The following CCDC187 variants were observed in gnomAD, a reference collection of about 807,000 sequenced individuals.
The protein encoded by CCDC187 is coiled-coil domain-containing protein 187.
Under a neutral mutation model 38.0 loss-of-function variants are expected in CCDC187, and 32 were observed. The observed-to-expected ratio is 0.84, with a 90% CI of 0.64 to 1.13. The LOEUF (loss-of-function observed/expected upper bound fraction) is 1.13, where lower values mean the gene tolerates loss of function less well. CCDC187 is among the 50% of genes most tolerant of loss of function. CCDC187 has a pLI of 0.00. For synonymous variants in CCDC187, 333 were observed against 347.9 expected (o/e 0.96, Z 0.48); for missense variants, 707 against 786.8 (o/e 0.90, Z 1.21).
rs935155773 is a variant in CCDC187, at chr9:136,292,222, G to A, written c.906C>T (p.Pro302=). 1.3e-5 allele frequency: 5 copies of A among 398,702 alleles called. No homozygotes were observed. The highest frequency in any genetic ancestry group is 2.2e-5 in the Non-Finnish European group (5 of 226,204). The allele number at this position is 398,702 out of a possible 1,614,324, so 24.7% of individuals were successfully genotyped here. A position where few individuals can be genotyped will look rare whatever the true frequency, so the allele number is the denominator to read the frequency against. Residue 302 remains proline (P), a synonymous_variant, in exon 5 of 26, where the codon CCC becomes CCT. Transcript: ENST00000638797. ...ALVRSLLGPP[P]VLRRHHSKDP... ...CCTTGCTATGGTGCCTGCGGAGGACGGGAGGGGGCCCAAGCAGCGACCTCA... is the reference window on the plus strand; with the variant it reads ...CCTTGCTATGGTGCCTGCGGAGGACAGGAGGGGGCCCAAGCAGCGACCTCA...
In CCDC187 at chr9:136,254,373, C is replaced by T. The variant is rs1401967670; in HGVS notation, c.5455G>A (p.Glu1819Lys). The change falls in exon 26 of 26, where the codon GAG becomes AAG. Residue 1819 changes from glutamate to lysine, a missense_variant. By Grantham distance (56) the Glu-to-Lys change is moderately conservative (BLOSUM62 1). Transcript: ENST00000638797. ...GEGREASGTSESLKGGVRSGM... is the reference protein window; with the variant it reads ...GEGREASGTSKSLKGGVRSGM... ...CTTCTGACACCCCCTTTCAGGCTCT[C>T]GCTGGTCCCAGAAGCTTCCCGCCCC... The T allele has an allele frequency of 1.7e-5, 17 of 985,006 alleles. No homozygotes were observed. In the African/African-American group the frequency reaches 2.8e-4, roughly 16 times the overall value. 61.0% of individuals were successfully genotyped at this position (985,006 alleles called of 1,614,324 possible). A position where few individuals can be genotyped will look rare whatever the true frequency, so the allele number is the denominator to read the frequency against.
At chr9:136,266,120 G>A (rs1157637100) in intron 16 of CCDC187, 77 bp from the exon 17 acceptor site, 1 of 841,694 alleles carries the variant, frequency 1.2e-6, no homozygotes, top group Non-Finnish European at 1.4e-6. Flanking sequence ...GACACAGCCA[G>A]CCCTGGTCGG....
Position 136,254,806 on chromosome 9 carries a change from C to T in CCDC187, c.5022G>A (p.Ser1674=), listed in dbSNP as rs1265582632. 14 of 985,388 alleles carry T rather than the reference C, an allele frequency of 1.4e-5. No individual in the cohort carries two copies. The highest frequency in any genetic ancestry group is 1.0e-4 in the African/African-American group (6 of 57,238). 61.0% of individuals were successfully genotyped at this position (985,388 alleles called of 1,614,324 possible). Residue 1674 remains serine (S), a synonymous_variant, in exon 26 of 26, where the codon TCG becomes TCA. Coordinates refer to ENST00000638797, the MANE Select transcript of CCDC187 (RefSeq NM_001378188.1). ...WPGELSARHS[S]GEAGLPLSWR... ...AGGACAAAGGCAGGCCAGCTTCCCCCGAGGAGTGTCGGGCAGAGAGCTCTC... is the reference window on the plus strand; with the variant it reads ...AGGACAAAGGCAGGCCAGCTTCCCCTGAGGAGTGTCGGGCAGAGAGCTCTC...
At position 136,291,482 on chromosome 9, in the gene CCDC187, G is replaced by A; in HGVS notation, c.1131C>T (p.Asp377=). ...TIQTAMAILQ[D]LRQQIQAGLE... ...GCCCAGCCTGGATTTGCTGGCGCAG[G>A]TCTTGTAGGATGGCCATGGCCGTCT... The change falls in exon 6 of 26, where the codon GAC becomes GAT. Residue 377 remains aspartate (D), a synonymous_variant. Coordinates refer to ENST00000638797, the MANE Select transcript of CCDC187 (RefSeq NM_001378188.1). The A allele has an allele frequency of 2.5e-6, 1 of 398,782 alleles. No individual in the cohort carries two copies. Among genetic ancestry groups the A allele is most frequent in the Non-Finnish European group, 4.4e-6 (1 of 226,148 alleles). The allele number at this position is 398,782 out of a possible 1,614,324, so 24.7% of individuals were successfully genotyped here.
rs1015841459 is a variant in CCDC187, at chr9:136,254,152, C to T, written c.5676G>A (p.Ser1892=). 1.5e-5 allele frequency: 15 copies of T among 985,322 alleles called. No individual in the cohort carries two copies. Among genetic ancestry groups the T allele is most frequent in the East Asian group, 1.1e-4 (1 of 8,826 alleles). The allele number at this position is 985,322 out of a possible 1,614,324, so 61.0% of individuals were successfully genotyped here. A position where few individuals can be genotyped will look rare whatever the true frequency, so the allele number is the denominator to read the frequency against. Reference sequence around the variant, plus strand: ...CTGCCCCTTCACTCAAAGAGGTCCACGAAGGAAAGACCAGCAGTGAGTCCG... The same window carrying T: ...CTGCCCCTTCACTCAAAGAGGTCCATGAAGGAAAGACCAGCAGTGAGTCCG... ...GDSDSLLVFP[S]WTSLSEGADF... The change falls in exon 26 of 26, where the codon TCG becomes TCA. Residue 1892 remains serine (S), a synonymous_variant. Coordinates refer to ENST00000638797, the MANE Select transcript of CCDC187 (RefSeq NM_001378188.1).
Position 136,290,576 on chromosome 9 carries a change from C to T in CCDC187, c.2037G>A (p.Gln679=). 5.0e-6 allele frequency: 2 copies of T among 398,990 alleles called. No homozygotes were observed. 24.7% of individuals were successfully genotyped at this position (398,990 alleles called of 1,614,324 possible). ...SRRLQEVYRQ[Q]REAVLGRAVP... is the part of the protein sequence containing the mutation. ...CCGCCCTGCCGAGGACGGCCTCCCTCTGCTGCCGGTAGACCTCCTGCAGCC... is the reference window on the plus strand; with the variant it reads ...CCGCCCTGCCGAGGACGGCCTCCCTTTGCTGCCGGTAGACCTCCTGCAGCC... Residue 679 remains glutamine (Q), a synonymous_variant, in exon 6 of 26, where the codon CAG becomes CAA. Transcript: ENST00000638797.
In CCDC187 at chr9:136,254,777, CG is replaced by C. The variant is rs1365134573; in HGVS notation, c.5050del (p.Arg1684GlyfsTer19). ...SGEAGLPLSWRSNQGEPRPGS... is the reference protein window; with the variant it reads ...SGEAGLPLSWXSNQGEPRPGS... The stretch of plus-strand genomic sequence containing the variant: ...TGGCCGAGGCTCACCCTGGTTTGAC[CG>C]CCAGGACAAAGGCAGGCCAGCTTCC... On this transcript the variant is annotated frameshift_variant, in exon 26 of 26. Coordinates refer to ENST00000638797, the MANE Select transcript of CCDC187 (RefSeq NM_001378188.1). LOFTEE classifies it low-confidence loss of function (END_TRUNC). 2.0e-6 allele frequency: 2 copies of C among 985,432 alleles called. No homozygotes were observed. The highest frequency in any genetic ancestry group is 3.5e-5 in the African/African-American group (2 of 57,238). 61.0% of individuals were successfully genotyped at this position (985,432 alleles called of 1,614,324 possible).
intron 4 of CCDC187, among the ~76,000 whole-genome samples, chr9:136,293,453 T>TCACACACATTCTCA: frequency 9.7e-6 from 1 of 103,054 alleles, no homozygotes; most frequent in South Asian, 3.6e-4. Flanking sequence ...TCACACATGC[T>TCACACACATTCTCA]CACACTCACA....
chr9:136,261,779 C>G (rs35851148), intron 19 of CCDC187, among the ~76,000 whole-genome samples: 1 of 152,160 alleles, frequency 6.6e-6, no homozygotes, highest in Admixed American at 6.5e-5. Context: ...CGCTGCCCCC[C>G]GCTTTCTGCT....
intron 20 of CCDC187, 52 bp downstream of exon 20, chr9:136,260,067 C>A (rs1554760798): frequency 1.0e-6 from 1 of 984,374 alleles, no homozygotes; most frequent in Non-Finnish European, 1.2e-6. Flanking sequence ...GCCCAGGGCC[C>A]ACTGAATGAG....
chr9:136,290,081 C>G, intron 6 of CCDC187, 28 bp from the exon 7 acceptor site: 2 of 398,686 alleles, frequency 5.0e-6, no homozygotes, highest in Non-Finnish European at 4.4e-6. Flanking sequence ...GCCATCAGAG[C>G]CCCCCGCTCG....
chr9:136,285,461 A>AGGTG, intron 9 of CCDC187, 52 bp downstream of exon 9: 1 of 33,706 alleles, frequency 3.0e-5, no homozygotes, highest in African/African-American at 1.4e-4. Context: ...GCAGGTGGGC[A>AGGTG]GGCGGGCAGG....
In CCDC187 at chr9:136,259,127, C is replaced by T. The variant is rs371032362; in HGVS notation, c.4297-126G>A. 1.3e-4 allele frequency: 96 copies of T among 754,546 alleles called. 1 individual carries two copies. The East Asian group carries it at 8.7e-3, about 68-fold the overall frequency. The allele number at this position is 754,546 out of a possible 1,614,324, so 46.7% of individuals were successfully genotyped here. ...TGGGGTGGATGGGGACAGCCGGGGG[C>T]GGACAGGGACAGATGGGGACAGGCA... On this transcript the variant is annotated intron_variant, in intron 21 of 25. Coordinates refer to ENST00000638797, the MANE Select transcript of CCDC187 (RefSeq NM_001378188.1).
chr9:136,298,637 T>C (rs934095135), intron 3 of CCDC187, among the ~76,000 whole-genome samples: 23,896 of 152,230 alleles, frequency 0.16, 2,154 homozygotes, highest in East Asian at 0.38. Context: ...GCTGGGCCTG[T>C]CTCTTGGTTT....
intron 14 of CCDC187, among the ~76,000 whole-genome samples, chr9:136,271,639 A>G (rs1421232335): frequency 7.6e-6 from 1 of 132,450 alleles, no homozygotes; most frequent in Admixed American, 8.6e-5. Context: ...ACGGAGTCTC[A>G]CTCTGTCAGC....
intron 18 of CCDC187, among the ~76,000 whole-genome samples, chr9:136,262,730 T>C (rs1231159809): frequency 6.6e-6 from 1 of 152,132 alleles, no homozygotes; most frequent in Non-Finnish European, 1.5e-5. Context: ...TGGAATCAGG[T>C]TGCTGGTGTC....
intron 7 of CCDC187, among the ~76,000 whole-genome samples, chr9:136,289,071 A>G (rs943820296): frequency 1.3e-5 from 2 of 152,242 alleles, no homozygotes; most frequent in Admixed American, 6.5e-5. Flanking sequence ...ACAGCCGGGC[A>G]TTATTCAGCC....
At chr9:136,299,760 G>A (rs993411526) in intron 3 of CCDC187, among the ~76,000 whole-genome samples, 3 of 152,172 alleles carry the variant, frequency 2.0e-5, no homozygotes, top group Admixed American at 1.3e-4. Flanking sequence ...GGGCCTGGGA[G>A]CCCGCCAACG....
At chr9:136,268,163 G>A (rs938019002) in intron 14 of CCDC187, 38 bp from the exon 15 acceptor site, 1 of 982,858 alleles carries the variant, frequency 1.0e-6, no homozygotes, top group Non-Finnish European at 1.2e-6. Context: ...CATGTAGGGG[G>A]TCTGAGTGCC....
Sources: gnomAD v4.1 joint callset for allele counts (sites outside exome capture counted in the v4.1 genomes callset) on GRCh38, gnomAD v4.1.1 for gene constraint, MANE v1.5 for transcripts, NCBI Gene and HGNC (gene_info 2026-07-23, HGNC 2026-07-21) for gene names.